The following ZNF536 variants were observed in gnomAD, a reference collection of about 807,000 sequenced individuals.
The protein encoded by ZNF536 is zinc finger protein 536.
In ZNF536, 13 loss-of-function variants were observed where a neutral mutation model predicts 84.5. That is an observed-to-expected ratio of 0.15 (90% CI 0.10 to 0.24). The LOEUF (loss-of-function observed/expected upper bound fraction) is 0.24. Ranked by LOEUF, ZNF536 falls within the 10% of genes least tolerant of loss-of-function variation. ZNF536 has a pLI of 1.00. For synonymous variants in ZNF536, 811 were observed against 742.5 expected, an observed-to-expected ratio of 1.09 and a Z score of -1.50; for missense variants, 1,536 against 1,747.5, an observed-to-expected ratio of 0.88 and a Z score of 2.16.
At chr19:30,636,108 G>C (rs1275839260) in intron 1 of ZNF536, among the ~76,000 whole-genome samples, 1 of 152,190 alleles carries the variant, frequency 6.6e-6, no homozygotes, top group Admixed American at 6.5e-5. Flanking sequence ...ATCTTGCTTG[G>C]TGGGGCCCGG....
At chr19:30,654,849 T>G in intron 1 of ZNF536, among the ~76,000 whole-genome samples, 2 of 137,812 alleles carry the variant, frequency 1.5e-5, no homozygotes, top group South Asian at 2.6e-4. Context: ...CACCCCCCCA[T>G]GCTGGGCAAA....
intron 2 of ZNF536, among the ~76,000 whole-genome samples, chr19:30,293,213 T>A (rs2045896588): frequency 6.6e-6 from 1 of 152,188 alleles, no homozygotes. Context: ...AGGGAGTGGT[T>A]AGTTCTCTCT....
intron 1 of ZNF536, among the ~76,000 whole-genome samples, chr19:30,587,787 C>T (rs748644287): frequency 6.6e-6 from 1 of 152,214 alleles, no homozygotes; most frequent in African/African-American, 2.4e-5. Flanking sequence ...TTATGAGAGA[C>T]GAGGGAGAAG....
intron 1 of ZNF536, among the ~76,000 whole-genome samples, chr19:30,669,010 G>T (rs926596506): frequency 6.6e-6 from 1 of 152,206 alleles, no homozygotes; most frequent in Non-Finnish European, 1.5e-5. Context: ...GGTTGTCGGG[G>T]GACCCCCTCA....
At chr19:30,416,366 G>C (rs2050735303) in intron 1 of ZNF536, among the ~76,000 whole-genome samples, 1 of 148,644 alleles carries the variant, frequency 6.7e-6, no homozygotes, top group Non-Finnish European at 1.5e-5. Context: ...TTTGTAGTGA[G>C]CTATTTTGTC....
chr19:30,277,989 C>G (rs566295389), intron 1 of ZNF536, among the ~76,000 whole-genome samples: 8 of 152,172 alleles, frequency 5.3e-5, no homozygotes, highest in African/African-American at 7.2e-5. Flanking sequence ...AACTCACACT[C>G]TCTCTGGGCC....
intron 1 of ZNF536, among the ~76,000 whole-genome samples, chr19:30,411,990 T>C (rs2050514106): frequency 6.6e-6 from 1 of 152,020 alleles, no homozygotes; most frequent in Non-Finnish European, 1.5e-5. Context: ...TTTGCCCATG[T>C]CTTATTATAT....
chr19:30,688,776 G>A (rs1364559137), intron 1 of ZNF536, among the ~76,000 whole-genome samples: 1 of 152,186 alleles, frequency 6.6e-6, no homozygotes, highest in African/African-American at 2.4e-5. Context: ...CTTCTAAGGC[G>A]AGTGGGTAGC....
intron 1 of ZNF536, among the ~76,000 whole-genome samples, chr19:30,375,282 C>T (rs2048770063): frequency 6.7e-6 from 1 of 150,364 alleles, no homozygotes; most frequent in African/African-American, 2.4e-5. Context: ...CGCGCCCGGG[C>T]CCCGCGAGCG....
chr19:30,349,858 A>C (rs527420131), intron 2 of ZNF536, among the ~76,000 whole-genome samples: 1 of 152,248 alleles, frequency 6.6e-6, no homozygotes, highest in Non-Finnish European at 1.5e-5. Context: ...CTAAGACAGA[A>C]AGTGATATCG....
intron 3 of ZNF536, among the ~76,000 whole-genome samples, chr19:30,353,535 T>C (rs1033868468): frequency 6.8e-6 from 1 of 146,274 alleles, no homozygotes; most frequent in African/African-American, 2.7e-5. Flanking sequence ...AGCCCCCCCC[T>C]GGCACCGGTG....
chr19:30,534,639 T>C (rs1226015794), intron 2 of ZNF536, among the ~76,000 whole-genome samples: 4 of 152,246 alleles, frequency 2.6e-5, no homozygotes, highest in Admixed American at 2.0e-4. Context: ...AGGTACCATA[T>C]GCTGCTTAAA....
chr19:30,577,514 G>A (rs983298718), intron 1 of ZNF536, among the ~76,000 whole-genome samples: 5 of 152,102 alleles, frequency 3.3e-5, no homozygotes, highest in African/African-American at 1.2e-4. Context: ...TATTCCTTGA[G>A]ATAGTATTTA....
At chr19:30,304,849 G>A (rs930662154) in intron 2 of ZNF536, among the ~76,000 whole-genome samples, 2 of 152,218 alleles carry the variant, frequency 1.3e-5, no homozygotes, top group Non-Finnish European at 2.9e-5. Flanking sequence ...CGGTGGACCA[G>A]CCCAAGTTCT....
chr19:30,326,670 C>T (rs910082595), intron 2 of ZNF536, among the ~76,000 whole-genome samples: 2 of 149,296 alleles, frequency 1.3e-5, no homozygotes, highest in Admixed American at 6.7e-5. Context: ...GCTTTCGATG[C>T]GGGAGGCACG....
At chr19:30,372,585 TGTGA>T (rs1236409602) in intron 1 of ZNF536, 29 bp downstream of exon 1, 3 of 152,198 alleles carry the variant, frequency 2.0e-5, no homozygotes, top group South Asian at 2.1e-4. Context: ...TGTGTGAGTG[TGTGA>T]GTGTGTGCAA....
At chr19:30,307,560 A>G (rs1017847569) in intron 2 of ZNF536, among the ~76,000 whole-genome samples, 72 of 152,094 alleles carry the variant, frequency 4.7e-4, no homozygotes, top group African/African-American at 1.6e-3. Flanking sequence ...GGTCTGCCAC[A>G]TTCACCCAAG....
chr19:30,596,662 T>G (rs2047474201), intron 1 of ZNF536, among the ~76,000 whole-genome samples: 1 of 151,770 alleles, frequency 6.6e-6, no homozygotes, highest in South Asian at 2.1e-4. Flanking sequence ...TTTCTAAAGC[T>G]GCAAAAAGGG....
chr19:30,350,032 A>G (rs2047883717), intron 2 of ZNF536, among the ~76,000 whole-genome samples: 2 of 152,052 alleles, frequency 1.3e-5, no homozygotes. Flanking sequence ...GTGCAAACCA[A>G]TGGATACCTA....
Sources: allele counts gnomAD v4.1 joint callset (sites outside exome capture counted in the v4.1 genomes callset), GRCh38; gene constraint gnomAD v4.1.1; transcripts MANE v1.5; gene names NCBI Gene and HGNC (gene_info 2026-07-23, HGNC 2026-07-21).